Variants in MBOAT2 observed in about 807,000 individuals in gnomAD.
MBOAT2 encodes the protein membrane bound glycerophospholipid O-acyltransferase 2.
In MBOAT2, 28 loss-of-function variants were observed where a neutral mutation model predicts 63.4. The observed-to-expected ratio is 0.44, with a 90% CI of 0.33 to 0.61. The LOEUF is 0.61. Ranked by LOEUF, MBOAT2 falls within the 20% of genes least tolerant of loss-of-function variation. The pLI is 0.03. For missense variants in MBOAT2, 470 were observed against 605.8 expected (o/e 0.78, Z 2.35); for synonymous variants, 211 against 215.6 (o/e 0.98, Z 0.19).
At chr2:8,881,270 C>CT (rs1244457766) in intron 6 of MBOAT2, among the ~76,000 whole-genome samples, 1 of 151,852 alleles carries the variant, frequency 6.6e-6, no homozygotes, top group African/African-American at 2.4e-5. Context: ...AGTAGGATTG[C>CT]TTTTTTTTCT....
chr2:8,991,155 G>A (rs769897894), intron 1 of MBOAT2, among the ~76,000 whole-genome samples: 1 of 152,088 alleles, frequency 6.6e-6, no homozygotes. Context: ...TAACTCCAGA[G>A]TTATCACAAA....
At chr2:8,989,569 A>G (rs1671787936) in intron 1 of MBOAT2, among the ~76,000 whole-genome samples, 1 of 152,226 alleles carries the variant, frequency 6.6e-6, no homozygotes, top group Non-Finnish European at 1.5e-5. Context: ...TGGATTTCAC[A>G]GAAGACTGAG....
At chr2:8,886,112 G>A (rs949140608) in intron 5 of MBOAT2, among the ~76,000 whole-genome samples, 3 of 152,318 alleles carry the variant, frequency 2.0e-5, no homozygotes, top group Non-Finnish European at 2.9e-5. Flanking sequence ...GCTAGGCAGC[G>A]GGGGCCTATG....
chr2:8,903,025 TTAGG>T (rs1665075007), intron 4 of MBOAT2, among the ~76,000 whole-genome samples: 1 of 152,166 alleles, frequency 6.6e-6, no homozygotes, highest in Non-Finnish European at 1.5e-5. Context: ...TTACAATCCT[TTAGG>T]TAGACACAGA....
At chr2:8,949,948 A>C (rs1470797840) in intron 2 of MBOAT2, among the ~76,000 whole-genome samples, 2 of 152,210 alleles carry the variant, frequency 1.3e-5, no homozygotes. Context: ...CTTCCAATCC[A>C]TAAGCTGAGA....
chr2:8,955,660 T>C (rs1042039432), intron 2 of MBOAT2, among the ~76,000 whole-genome samples: 1 of 152,258 alleles, frequency 6.6e-6, no homozygotes, highest in African/African-American at 2.4e-5. Flanking sequence ...TACATAAACT[T>C]AGTTGATAAA....
At chr2:8,899,383 C>T (rs916347135) in intron 4 of MBOAT2, among the ~76,000 whole-genome samples, 4 of 152,106 alleles carry the variant, frequency 2.6e-5, no homozygotes, top group African/African-American at 9.7e-5. Flanking sequence ...CAGGATTCCT[C>T]GGATGGTAAT....
Position 8,858,645 on chromosome 2 carries a change from C to CAAA in MBOAT2, c.*31_*33dup. On this transcript the variant is annotated 3_prime_UTR_variant, in exon 13 of 13. Transcript: ENST00000305997. ...TGCTAAGATTGGTTTCTGTTAACATCAAAAAAAAAAAACAGCCCTCAGAGC... is the reference window on the plus strand; with the variant it reads ...TGCTAAGATTGGTTTCTGTTAACATCAAAAAAAAAAAAAAACAGCCCTCAGAGC... 2.1e-5 allele frequency: 26 copies of CAAA among 1,233,462 alleles called. No homozygotes were observed. Among genetic ancestry groups the CAAA allele is most frequent in the South Asian group, 3.0e-5 (2 of 67,416 alleles). The allele number at this position is 1,233,462 out of a possible 1,614,324, so 76.4% of individuals were successfully genotyped here.
intron 7 of MBOAT2, among the ~76,000 whole-genome samples, chr2:8,876,311 G>GA (rs1662694963): frequency 6.6e-6 from 1 of 152,180 alleles, no homozygotes; most frequent in African/African-American, 2.4e-5. Context: ...CCAACCTGGG[G>GA]AATCTTGGTC....
intron 2 of MBOAT2, among the ~76,000 whole-genome samples, chr2:8,950,572 C>T (rs751041352): frequency 3.9e-5 from 6 of 152,140 alleles, no homozygotes; most frequent in Admixed American, 1.3e-4. Context: ...GTACTACAGG[C>T]GCCTGCCACC....
At chr2:8,863,479 G>A (rs974035922) in intron 10 of MBOAT2, among the ~76,000 whole-genome samples, 1 of 152,032 alleles carries the variant, frequency 6.6e-6, no homozygotes, top group Non-Finnish European at 1.5e-5. Context: ...TCTGTCCTTC[G>A]CACCTGTTAC....
chr2:8,964,998 C>T (rs1476329249), intron 1 of MBOAT2, among the ~76,000 whole-genome samples: 1 of 152,146 alleles, frequency 6.6e-6, no homozygotes, highest in Non-Finnish European at 1.5e-5. Context: ...CTCTCTCAGT[C>T]TACAGCTTAG....
chr2:8,978,924 T>G (rs1477127939), intron 1 of MBOAT2, among the ~76,000 whole-genome samples: 1 of 152,244 alleles, frequency 6.6e-6, no homozygotes, highest in Non-Finnish European at 1.5e-5. Flanking sequence ...GTGTGATGAC[T>G]GGGTTTCCAC....
intron 1 of MBOAT2, among the ~76,000 whole-genome samples, chr2:8,988,077 T>C (rs934274794): frequency 2.0e-5 from 3 of 152,164 alleles, no homozygotes; most frequent in Non-Finnish European, 2.9e-5. Context: ...GAATTAGCTC[T>C]CAAACAGCAA....
chr2:8,940,377 C>T (rs530966460), intron 3 of MBOAT2, among the ~76,000 whole-genome samples: 148 of 152,144 alleles, frequency 9.7e-4, no homozygotes, highest in African/African-American at 3.4e-3. Context: ...CTGCAACCTC[C>T]GCCTCCCCGG....
chr2:8,996,120 T>C (rs1464117172), intron 1 of MBOAT2, among the ~76,000 whole-genome samples: 2 of 152,166 alleles, frequency 1.3e-5, no homozygotes, highest in Non-Finnish European at 2.9e-5. Flanking sequence ...ACTTTAAAAA[T>C]GCACCGCAAT....
At chr2:8,885,533 T>C (rs1168244596) in intron 5 of MBOAT2, among the ~76,000 whole-genome samples, 1 of 152,140 alleles carries the variant, frequency 6.6e-6, no homozygotes, top group African/African-American at 2.4e-5. Context: ...GGTTCAAGTA[T>C]TCCTATTGTG....
intron 4 of MBOAT2, among the ~76,000 whole-genome samples, chr2:8,893,007 A>G (rs1664120760): frequency 6.7e-6 from 1 of 148,624 alleles, no homozygotes; most frequent in Non-Finnish European, 1.5e-5. Flanking sequence ...TGGTTTTAAA[A>G]GAATATATTC....
At chr2:8,987,631 A>G (rs1671659530) in intron 1 of MBOAT2, among the ~76,000 whole-genome samples, 2 of 152,306 alleles carry the variant, frequency 1.3e-5, no homozygotes, top group Non-Finnish European at 2.9e-5. Context: ...GACTGGAATT[A>G]TCTAAAGGCT....
Sources: allele counts gnomAD v4.1 joint callset (sites outside exome capture counted in the v4.1 genomes callset), GRCh38; gene constraint gnomAD v4.1.1; transcripts MANE v1.5; gene names NCBI Gene and HGNC (gene_info 2026-07-23, HGNC 2026-07-21).